Variants in NDUFS4 observed in about 807,000 individuals in gnomAD.
The protein encoded by NDUFS4 is NADH:ubiquinone oxidoreductase subunit S4, also known as NADH dehydrogenase [ubiquinone] iron-sulfur protein 4, mitochondrial.
A neutral mutation model predicts 24.3 loss-of-function variants in NDUFS4; 28 were observed. The ratio of observed to expected loss-of-function variants is 1.15; its 90% CI spans 0.85 to 1.58. The LOEUF is 1.58. Among genes scored for constraint, NDUFS4 ranks in the 40% most tolerant of loss-of-function variants. The probability of loss-of-function intolerance (pLI) is 0.00; values close to 1 mark genes in which losing one functional copy is unlikely to be tolerated. For synonymous variants in NDUFS4, 93 were observed against 69.7 expected (o/e 1.34, Z -1.67); for missense variants, 223 against 207.9 (o/e 1.07, Z -0.45).
At chr5:53,591,094 G>T (rs906232807) in intron 1 of NDUFS4, among the ~76,000 whole-genome samples, 4 of 152,088 alleles carry the variant, frequency 2.6e-5, no homozygotes, top group African/African-American at 4.8e-5. Flanking sequence ...CCATGGTGTA[G>T]CATATATCAT....
chr5:53,572,866 G>A lies in NDUFS4; in HGVS notation c.98+12106G>A, dbSNP rs1265655853. 3.3e-5 allele frequency among the ~76,000 whole-genome samples: 5 copies of A among 151,342 alleles called. 1 individual carries two copies. The highest frequency in any genetic ancestry group is 1.2e-4 in the African/African-American group (5 of 41,228). ...TCACCATGTTGGCCAGGCTGGTCTC[G>A]AACTCCCGACCTCGTGATCCACCTG... On this transcript the variant is annotated intron_variant, in intron 1 of 4. Coordinates refer to ENST00000296684, the MANE Select transcript of NDUFS4 (RefSeq NM_002495.4).
chr5:53,585,784 T>TAC (rs1304009696), intron 1 of NDUFS4, among the ~76,000 whole-genome samples: 1 of 152,120 alleles, frequency 6.6e-6, no homozygotes, highest in Non-Finnish European at 1.5e-5. Flanking sequence ...TGTGTGTGTA[T>TAC]ACACCTGTGC....
chr5:53,567,423 A>G lies in NDUFS4; in HGVS notation c.98+6663A>G, dbSNP rs534156692. 3.6e-4 allele frequency among the ~76,000 whole-genome samples: 55 copies of G among 152,324 alleles called. 2 individuals are homozygous for G. In the South Asian group the frequency reaches 9.1e-3, roughly 25 times the overall value. ...TTGTACAGTGAGAGTTACCAAATGCACAATTAGTTGTTTACTTTTTTAAGC... is the reference window on the plus strand; with the variant it reads ...TTGTACAGTGAGAGTTACCAAATGCGCAATTAGTTGTTTACTTTTTTAAGC... On this transcript the variant is annotated intron_variant, in intron 1 of 4. Transcript: ENST00000296684.
chr5:53,620,495 A>G (rs1467695781), intron 2 of NDUFS4, among the ~76,000 whole-genome samples: 3 of 152,172 alleles, frequency 2.0e-5, no homozygotes, highest in Admixed American at 6.5e-5. Flanking sequence ...TTCTATCACA[A>G]ATCTCTGTAT....
chr5:53,661,276 G>A (rs1579929993), intron 4 of NDUFS4, among the ~76,000 whole-genome samples: 1 of 152,150 alleles, frequency 6.6e-6, no homozygotes, highest in East Asian at 1.9e-4. Flanking sequence ...CCCATTGCTT[G>A]TTTTTGTCAG....
chr5:53,621,391 G>A (rs983961304), intron 2 of NDUFS4, among the ~76,000 whole-genome samples: 2 of 151,778 alleles, frequency 1.3e-5, no homozygotes, highest in African/African-American at 2.4e-5. Flanking sequence ...TTTTAATTTT[G>A]TGTTTAAAAA....
At chr5:53,653,748 T>C (rs950371075) in intron 3 of NDUFS4, among the ~76,000 whole-genome samples, 14 of 152,134 alleles carry the variant, frequency 9.2e-5, no homozygotes, top group South Asian at 6.2e-4. Flanking sequence ...TATATTTAAG[T>C]TTATATGTCC....
intron 2 of NDUFS4, among the ~76,000 whole-genome samples, chr5:53,605,252 T>C (rs1398463113): frequency 6.6e-6 from 1 of 152,128 alleles, no homozygotes; most frequent in Non-Finnish European, 1.5e-5. Context: ...GAGGCAGTTA[T>C]GTGTGTATGA....
chr5:53,608,921 G>A (rs955283070), intron 2 of NDUFS4, among the ~76,000 whole-genome samples: 6 of 152,168 alleles, frequency 3.9e-5, no homozygotes, highest in Non-Finnish European at 7.3e-5. Context: ...TAAGTTACTG[G>A]CATGTGGGCT....
At chr5:53,566,029 C>T (rs943657194) in intron 1 of NDUFS4, among the ~76,000 whole-genome samples, 5 of 152,040 alleles carry the variant, frequency 3.3e-5, no homozygotes, top group South Asian at 2.1e-4. Context: ...AATAATTAGC[C>T]GGGTGCGGTG....
chr5:53,575,317 C>T (rs1749347525), intron 1 of NDUFS4, among the ~76,000 whole-genome samples: 1 of 152,012 alleles, frequency 6.6e-6, no homozygotes, highest in Non-Finnish European at 1.5e-5. Flanking sequence ...TCAGAGCCTT[C>T]AAACAGCTGC....
chr5:53,674,996 TTAGAG>T (rs970392071), intron 4 of NDUFS4, among the ~76,000 whole-genome samples: 8 of 152,148 alleles, frequency 5.3e-5, no homozygotes, highest in Admixed American at 2.0e-4. Flanking sequence ...TTAGTTGCTC[TTAGAG>T]TACTTTTTAA....
chr5:53,592,396 A>C (rs574450418), intron 1 of NDUFS4, among the ~76,000 whole-genome samples: 185 of 152,250 alleles, frequency 1.2e-3, no homozygotes, highest in African/African-American at 4.3e-3. Flanking sequence ...AAAGCTGTTA[A>C]TTTCAATGAA....
intron 1 of NDUFS4, among the ~76,000 whole-genome samples, chr5:53,589,486 C>G (rs974259752): frequency 1.3e-5 from 2 of 152,218 alleles, no homozygotes; most frequent in African/African-American, 4.8e-5. Context: ...TCTAAAGCTA[C>G]TGCTGGATAA....
intron 4 of NDUFS4, among the ~76,000 whole-genome samples, chr5:53,677,028 T>A (rs1740496616): frequency 6.6e-6 from 1 of 152,148 alleles, no homozygotes; most frequent in South Asian, 2.1e-4. Context: ...TGCAAATCTC[T>A]GGAAGTGGTT....
In NDUFS4 at chr5:53,667,241, G is replaced by A. The variant is rs141683338; in HGVS notation, c.424+8617G>A. 9.2e-3 allele frequency among the ~76,000 whole-genome samples: 1,406 copies of A among 152,028 alleles called. 17 individuals carry two copies. Among genetic ancestry groups the A allele is most frequent in the African/African-American group, 0.032 (1,328 of 41,488 alleles). On this transcript the variant is annotated intron_variant, in intron 4 of 4. Transcript: ENST00000296684. Reference sequence around the variant, plus strand: ...AGCACTTTGGGAGGCTGAGGTGGGCGGATCACCTGAGGTCAGGAGTTTGAG... The same window carrying A: ...AGCACTTTGGGAGGCTGAGGTGGGCAGATCACCTGAGGTCAGGAGTTTGAG...
intron 1 of NDUFS4, among the ~76,000 whole-genome samples, chr5:53,580,772 T>TCC (rs1491583764): frequency 7.0e-4 from 106 of 150,470 alleles, no homozygotes; most frequent in African/African-American, 2.5e-3. Context: ...TTTCTTTCTT[T>TCC]CTCTCTCTCT....
At chr5:53,592,434 A>G (rs1418124162) in intron 1 of NDUFS4, among the ~76,000 whole-genome samples, 2 of 152,034 alleles carry the variant, frequency 1.3e-5, no homozygotes, top group Admixed American at 1.3e-4. Context: ...TTCATGGATC[A>G]TTTTTTTGGC....
chr5:53,571,458 T>G (rs1487844781), intron 1 of NDUFS4, among the ~76,000 whole-genome samples: 14 of 152,372 alleles, frequency 9.2e-5, no homozygotes, highest in Admixed American at 5.2e-4. Flanking sequence ...TGTTTCTACC[T>G]TTTGGCTACA....
Sources: allele counts gnomAD v4.1 joint callset (sites outside exome capture counted in the v4.1 genomes callset), GRCh38; gene constraint gnomAD v4.1.1; transcripts MANE v1.5; gene names NCBI Gene and HGNC (gene_info 2026-07-23, HGNC 2026-07-21).